The following DEUP1 variants were observed in gnomAD, a reference collection of about 807,000 sequenced individuals.
DEUP1 encodes the protein coiled-coil domain containing 67.
In DEUP1, 82 loss-of-function variants were observed where a neutral mutation model predicts 87.4. That is an observed-to-expected ratio of 0.94 (90% CI 0.78 to 1.13). The LOEUF is 1.13. Among genes scored for constraint, DEUP1 ranks in the 50% most tolerant of loss-of-function variants. DEUP1 has a pLI of 0.00. For missense variants in DEUP1, 663 were observed against 681.5 expected (o/e 0.97, Z 0.30); for synonymous variants, 214 against 222.7 (o/e 0.96, Z 0.35).
intron 9 of DEUP1, among the ~76,000 whole-genome samples, chr11:93,389,640 A>T (rs1340163531): frequency 6.6e-6 from 1 of 152,140 alleles, no homozygotes; most frequent in African/African-American, 2.4e-5. Flanking sequence ...ATAGGTCTTA[A>T]TATTACCCTC....
intron 5 of DEUP1, among the ~76,000 whole-genome samples, chr11:93,369,128 A>T (rs911371808): frequency 6.6e-6 from 1 of 152,028 alleles, no homozygotes; most frequent in African/African-American, 2.4e-5. Context: ...TGCTCTTTGT[A>T]TCCTCAGATG....
intron 13 of DEUP1, among the ~76,000 whole-genome samples, chr11:93,419,455 C>G (rs1299846776): frequency 2.0e-5 from 3 of 152,108 alleles, no homozygotes; most frequent in East Asian, 3.8e-4. Context: ...TGGGGCTAAT[C>G]AGAAGTCAAC....
chr11:93,383,622 A>G (rs1265532128), intron 7 of DEUP1: 1 of 669,556 alleles, frequency 1.5e-6, no homozygotes, highest in African/African-American at 1.8e-5. Context: ...TATGTGGATT[A>G]TATTTCAATG....
At chr11:93,396,412 G>T in intron 11 of DEUP1, 87 bp downstream of exon 11, 1 of 804,062 alleles carries the variant, frequency 1.2e-6, no homozygotes. Context: ...TTGAGCACTT[G>T]CTGTGTGTTA....
At chr11:93,427,778 A>AG (rs1192926259) in intron 13 of DEUP1, among the ~76,000 whole-genome samples, 1 of 108,684 alleles carries the variant, frequency 9.2e-6, no homozygotes, top group South Asian at 3.1e-4. Context: ...CAAATTTACA[A>AG]GAAAAAAACA....
chr11:93,412,607 A>G (rs1947469329), intron 12 of DEUP1, among the ~76,000 whole-genome samples: 1 of 152,218 alleles, frequency 6.6e-6, no homozygotes, highest in Non-Finnish European at 1.5e-5. Context: ...AGCAAAATGG[A>G]TAACTAAGAT....
At chr11:93,408,952 G>C (rs1213387065) in intron 12 of DEUP1, among the ~76,000 whole-genome samples, 1 of 151,732 alleles carries the variant, frequency 6.6e-6, no homozygotes, top group Non-Finnish European at 1.5e-5. Flanking sequence ...TGCCTCCTGG[G>C]TTCAAGTAAT....
intron 11 of DEUP1, among the ~76,000 whole-genome samples, chr11:93,407,050 G>A (rs762830597): frequency 2.0e-5 from 3 of 152,006 alleles, no homozygotes; most frequent in Admixed American, 6.6e-5. Flanking sequence ...AGATTGAAAT[G>A]TATAAGATTT....
intron 2 of DEUP1, among the ~76,000 whole-genome samples, chr11:93,336,659 C>G (rs1943782075): frequency 6.6e-6 from 1 of 152,166 alleles, no homozygotes; most frequent in African/African-American, 2.4e-5. Flanking sequence ...TCTACTGTAC[C>G]TGGTGTTCCC....
intron 11 of DEUP1, among the ~76,000 whole-genome samples, chr11:93,400,404 A>G (rs1947076994): frequency 7.5e-6 from 1 of 133,744 alleles, no homozygotes. Flanking sequence ...CTGTCTTCAT[A>G]TGGATTTCTC....
intron 13 of DEUP1, among the ~76,000 whole-genome samples, chr11:93,416,339 A>G (rs868107618): frequency 4.0e-4 from 61 of 152,174 alleles, no homozygotes; most frequent in African/African-American, 1.4e-3. Context: ...ATAAAAAATG[A>G]TAAAGGGGAT....
rs551080357 is a variant in DEUP1, at chr11:93,360,625, C to A, written c.298-3535C>A. Reference sequence around the variant, plus strand: ...AAAGAACCAATTAGAAATTTTATAACTGAAAAGTATAATAACCAAATTTAA... The same window carrying A: ...AAAGAACCAATTAGAAATTTTATAAATGAAAAGTATAATAACCAAATTTAA... On this transcript the variant is annotated intron_variant, in intron 4 of 13. Transcript: ENST00000298050. Among the ~76,000 whole-genome samples the A allele has an allele frequency of 1.6e-4, 24 of 151,840 alleles. No homozygotes were observed. The South Asian group carries it at 5.0e-3, about 32-fold the overall frequency.
At chr11:93,410,669 A>T (rs2134427690) in intron 12 of DEUP1, among the ~76,000 whole-genome samples, 1 of 152,336 alleles carries the variant, frequency 6.6e-6, no homozygotes, top group Non-Finnish European at 1.5e-5. Context: ...TAACTTTGAA[A>T]GCTTTAGATG....
At chr11:93,403,654 A>C (rs910930938) in intron 11 of DEUP1, among the ~76,000 whole-genome samples, 1 of 151,622 alleles carries the variant, frequency 6.6e-6, no homozygotes, top group Non-Finnish European at 1.5e-5. Context: ...TATTCTTTTC[A>C]TACATTTTTC....
chr11:93,330,544 A>T (rs934112366), upstream of DEUP1: 31 of 152,380 alleles, frequency 2.0e-4, no homozygotes, highest in African/African-American at 7.2e-4. Flanking sequence ...CCCCACTCCG[A>T]CGGCCACGAG....
chr11:93,348,329 G>T (rs894330377), intron 2 of DEUP1, among the ~76,000 whole-genome samples: 6 of 151,654 alleles, frequency 4.0e-5, no homozygotes, highest in Non-Finnish European at 5.9e-5. Context: ...TTATGTCTCT[G>T]TCTTCTTCAA....
intron 13 of DEUP1, 99 bp from the exon 14 acceptor site, chr11:93,437,444 G>C: frequency 1.2e-6 from 1 of 817,914 alleles, no homozygotes. Context: ...TAAGAGCTGC[G>C]GTGTTTGACA....
chr11:93,377,322 T>C (rs573526232), intron 7 of DEUP1, among the ~76,000 whole-genome samples: 18 of 152,328 alleles, frequency 1.2e-4, no homozygotes, highest in Non-Finnish European at 1.2e-4. Context: ...ATGTTTAGGA[T>C]TGTGATATTT....
At chr11:93,377,460 C>G (rs1946091669) in intron 7 of DEUP1, among the ~76,000 whole-genome samples, 1 of 152,230 alleles carries the variant, frequency 6.6e-6, no homozygotes, top group Admixed American at 6.5e-5. Context: ...TGTCCATTTG[C>G]ATGGAATATC....
Sources: gnomAD v4.1 joint callset for allele counts (sites outside exome capture counted in the v4.1 genomes callset) on GRCh38, gnomAD v4.1.1 for gene constraint, MANE v1.5 for transcripts, NCBI Gene and HGNC (gene_info 2026-07-23, HGNC 2026-07-21) for gene names.